NEDD1: variants seen among roughly 807,000 people sequenced by gnomAD.
The protein encoded by NEDD1 is NEDD1 gamma-tubulin ring complex targeting factor, also known as protein NEDD1.
Under a neutral mutation model 74.0 loss-of-function variants are expected in NEDD1, and 33 were observed. That is an observed-to-expected ratio of 0.45 (90% CI 0.34 to 0.60). The LOEUF (loss-of-function observed/expected upper bound fraction) is 0.60, where lower values mean the gene tolerates loss of function less well. NEDD1 is among the 20% of genes least tolerant of loss of function. The pLI, the probability that NEDD1 is intolerant of heterozygous loss-of-function variation, is 0.01. For missense variants in NEDD1, 746 were observed against 776.5 expected (o/e 0.96, Z 0.47); for synonymous variants, 250 against 264.4 (o/e 0.95, Z 0.53).
intron 7 of NEDD1, 24 bp from the exon 8 acceptor site, chr12:96,936,587 C>T: frequency 6.5e-7 from 1 of 1,542,512 alleles, no homozygotes; most frequent in East Asian, 2.2e-5. Context: ...CATTTCTACA[C>T]ATACTTTGTT....
intron 4 of NEDD1, among the ~76,000 whole-genome samples, chr12:96,914,674 T>C (rs1219060868): frequency 2.0e-5 from 3 of 152,180 alleles, no homozygotes; most frequent in African/African-American, 4.8e-5. Flanking sequence ...AATTATGATC[T>C]TACTGATTTT....
intron 13 of NEDD1, 138 bp from the exon 14 acceptor site, chr12:96,945,555 A>C: frequency 1.7e-6 from 1 of 592,756 alleles, no homozygotes; most frequent in South Asian, 2.2e-5. Context: ...TATTCCAGAC[A>C]GTGAATTTTT....
At chr12:96,909,458 A>T (rs1368495762) in intron 2 of NEDD1, among the ~76,000 whole-genome samples, 1 of 152,190 alleles carries the variant, frequency 6.6e-6, no homozygotes, top group Non-Finnish European at 1.5e-5. Flanking sequence ...CATGAGGCAG[A>T]GAGAAGGCCA....
At chr12:96,928,681 CTTTTTTTT>C (rs34575410) in intron 6 of NEDD1, among the ~76,000 whole-genome samples, 5 of 87,694 alleles carry the variant, frequency 5.7e-5, no homozygotes, top group African/African-American at 2.4e-4. Flanking sequence ...TAGTGTGTTT[CTTTTTTTT>C]TTTTTTTTTT....
chr12:96,933,877 A>G (rs984715939), intron 6 of NEDD1, among the ~76,000 whole-genome samples: 8 of 152,232 alleles, frequency 5.3e-5, no homozygotes, highest in Admixed American at 2.0e-4. Context: ...AAAGAAAAGT[A>G]GATAAAATTC....
At chr12:96,919,312 C>T (rs746454363) in intron 5 of NEDD1, among the ~76,000 whole-genome samples, 3 of 151,906 alleles carry the variant, frequency 2.0e-5, no homozygotes, top group African/African-American at 4.9e-5. Context: ...TTAGCAGTTA[C>T]GTGAGCTTGC....
chr12:96,930,916 A>C (rs1203924882), intron 6 of NEDD1, among the ~76,000 whole-genome samples: 1 of 152,070 alleles, frequency 6.6e-6, no homozygotes, highest in Non-Finnish European at 1.5e-5. Context: ...CTTCTCAGAG[A>C]CCTCCCATTG....
At chr12:96,915,564 T>C (rs1874348541) in intron 4 of NEDD1, among the ~76,000 whole-genome samples, 1 of 152,230 alleles carries the variant, frequency 6.6e-6, no homozygotes, top group African/African-American at 2.4e-5. Context: ...CTTTTAACTT[T>C]TCTTGAAGTC....
intron 13 of NEDD1, 133 bp downstream of exon 13, chr12:96,944,928 C>T (rs1878050223): frequency 3.4e-6 from 2 of 587,872 alleles, no homozygotes; most frequent in South Asian, 2.9e-5. Context: ...GTGGACACTT[C>T]TGTTGTGTGA....
intron 8 of NEDD1, 33 bp downstream of exon 8, chr12:96,936,845 T>A: frequency 4.5e-6 from 6 of 1,335,590 alleles, no homozygotes; most frequent in Non-Finnish European, 6.4e-6. Flanking sequence ...TTTTTTATTT[T>A]ATTAAATAAA....
intron 3 of NEDD1, among the ~76,000 whole-genome samples, chr12:96,912,361 C>A (rs1474498493): frequency 6.6e-6 from 1 of 151,708 alleles, no homozygotes; most frequent in Non-Finnish European, 1.5e-5. Context: ...TGAACAGTTT[C>A]TGTAGATGAA....
chr12:96,940,150 A>C (rs1226472593), intron 9 of NEDD1, among the ~76,000 whole-genome samples: 1 of 152,054 alleles, frequency 6.6e-6, no homozygotes, highest in African/African-American at 2.4e-5. Context: ...TACTGTATGA[A>C]CAAATAAGCT....
chr12:96,947,612 G>T (rs1322065641), intron 14 of NEDD1, among the ~76,000 whole-genome samples: 1 of 152,186 alleles, frequency 6.6e-6, no homozygotes, highest in African/African-American at 2.4e-5. Flanking sequence ...GGCTTCAGAT[G>T]ATTTGAGGAC....
In NEDD1 at chr12:96,930,209, A is replaced by ACT. The variant is rs1490577855; in HGVS notation, c.490-4766_490-4765insTC. On this transcript the variant is annotated intron_variant, in intron 6 of 15. Coordinates refer to ENST00000266742, the MANE Select transcript of NEDD1 (RefSeq NM_152905.4). Reference sequence around the variant, plus strand: ...CACACACACACACACACACACACACACACTCTCTCTCTCTCTCTCTCTCTC... The same window carrying ACT: ...CACACACACACACACACACACACACACTCACTCTCTCTCTCTCTCTCTCTCTC... Among the ~76,000 whole-genome samples, 145 of 94,068 alleles carry ACT rather than the reference A, an allele frequency of 1.5e-3. 1 individual carries two copies. Among genetic ancestry groups the ACT allele is most frequent in the African/African-American group, 2.6e-3 (54 of 21,008 alleles). The allele number at this position is 94,068 out of a possible 152,430, so 61.7% of individuals were successfully genotyped here.
intron 15 of NEDD1, 117 bp from the exon 16 acceptor site, chr12:96,951,832 A>G (rs1263348980): frequency 1.3e-5 from 8 of 623,352 alleles, no homozygotes; most frequent in South Asian, 1.0e-4. Flanking sequence ...TACAAGAAAT[A>G]TCATTCACCT....
chr12:96,922,104 G>A (rs1193979786), intron 6 of NEDD1, among the ~76,000 whole-genome samples: 2 of 152,158 alleles, frequency 1.3e-5, no homozygotes, highest in Non-Finnish European at 2.9e-5. Flanking sequence ...ATTAATCAGA[G>A]TTTTTAATTA....
At chr12:96,914,154 T>C (rs1456235772) in intron 4 of NEDD1, among the ~76,000 whole-genome samples, 1 of 152,176 alleles carries the variant, frequency 6.6e-6, no homozygotes, top group Admixed American at 6.6e-5. Flanking sequence ...GACTGAAGTC[T>C]TCAAGAGCAG....
chr12:96,912,243 T>C (rs927359167), intron 3 of NEDD1, among the ~76,000 whole-genome samples: 2 of 151,878 alleles, frequency 1.3e-5, no homozygotes, highest in Admixed American at 6.6e-5. Context: ...ATTCATGTTC[T>C]GGGAAAATAT....
chr12:96,907,333 C>T, intron 1 of NEDD1, 33 bp downstream of exon 1: 2 of 376,980 alleles, frequency 5.3e-6, no homozygotes, highest in Non-Finnish European at 4.7e-6. Context: ...GTCAGCGGGC[C>T]CCCGCCCGCC....
Sources: gnomAD v4.1 joint callset for allele counts (sites outside exome capture counted in the v4.1 genomes callset) on GRCh38, gnomAD v4.1.1 for gene constraint, MANE v1.5 for transcripts, NCBI Gene and HGNC (gene_info 2026-07-23, HGNC 2026-07-21) for gene names.